PRICKLE4: variants seen among roughly 807,000 people sequenced by gnomAD.
PRICKLE4 encodes the protein prickle planar cell polarity protein 4, also known as prickle-like protein 4.
PRICKLE4 carries 40 observed loss-of-function variants against 43.5 expected under a neutral mutation model. The ratio of observed to expected loss-of-function variants is 0.92; its 90% CI spans 0.71 to 1.20. The LOEUF (loss-of-function observed/expected upper bound fraction) is 1.20, where lower values mean the gene tolerates loss of function less well. Among genes scored for constraint, PRICKLE4 ranks in the 50% most tolerant of loss-of-function variants. The probability of loss-of-function intolerance (pLI) is 0.00; values close to 1 mark genes in which losing one functional copy is unlikely to be tolerated. For missense variants in PRICKLE4, 527 were observed against 491.2 expected (o/e 1.07, Z -0.69); for synonymous variants, 208 against 197.4 (o/e 1.05, Z -0.45).
At chr6:41,783,789 AC>A in intron 3 of PRICKLE4, 184 bp downstream of exon 3, 5 of 858,832 alleles carry the variant, frequency 5.8e-6, no homozygotes, top group Non-Finnish European at 9.7e-6. Context: ...AAACTCATTC[AC>A]ATGAGTATTC....
chr6:41,783,488 C>A lies in PRICKLE4; in HGVS notation c.15C>A (p.Asn5Lys). ...CTTTGCCACAAATGTCAGTGCAGAA[C>A]TCTGGCTGGCCCCACCAAGAAGACA... MSVQ[N>K]SGWPHQEDSP... Residue 5 changes from asparagine to lysine, a missense_variant, in exon 3 of 8, where the codon AAC becomes AAA. By Grantham distance (94) the Asn-to-Lys change is moderately conservative. Coordinates refer to ENST00000458694, the MANE Select transcript of PRICKLE4 (RefSeq NM_013397.6). The A allele has an allele frequency of 6.5e-7, 1 of 1,529,438 alleles. No homozygotes were observed. The highest frequency in any genetic ancestry group is 9.0e-7 in the Non-Finnish European group (1 of 1,110,112). The allele number at this position is 1,529,438 out of a possible 1,614,324, so 94.7% of individuals were successfully genotyped here. A position where few individuals can be genotyped will look rare whatever the true frequency, so the allele number is the denominator to read the frequency against.
At chr6:41,784,643 T>G in intron 4 of PRICKLE4, 1 of 507,854 alleles carries the variant, frequency 2.0e-6, no homozygotes, top group Non-Finnish European at 3.5e-6. Context: ...GAATGGGAAG[T>G]GATACTGAGC....
chr6:41,786,367 G>A lies in PRICKLE4; in HGVS notation c.787+35G>A, dbSNP rs367573291. The A allele has an allele frequency of 1.5e-5, 23 of 1,539,666 alleles. No homozygotes were observed. The African/African-American group carries it at 2.0e-4, about 14-fold the overall frequency. On this transcript the variant is annotated intron_variant, in intron 7 of 7. Coordinates refer to ENST00000458694, the MANE Select transcript of PRICKLE4 (RefSeq NM_013397.6). ...AGGATGCAGAGCAAAGCGGGAGGGA[G>A]CTTGGGCTGGGCTGTGGGGGTTCTC...
chr6:41,783,753 T>C, intron 3 of PRICKLE4, 148 bp downstream of exon 3: 3 of 1,105,830 alleles, frequency 2.7e-6, no homozygotes, highest in Non-Finnish European at 4.1e-6. Flanking sequence ...TCTCTGCACC[T>C]GCTTAGAACA....
At position 41,787,214 on chromosome 6, in the gene PRICKLE4, T is replaced by C. The variant is rs1157150888; in HGVS notation, c.*85T>C. On this transcript the variant is annotated 3_prime_UTR_variant, in exon 8 of 8. Transcript: ENST00000458694. ...AAGGCTAGCCTCCCCCTAACAATCC[T>C]AGACTGAGACGCAGTCAGGCGCACG... The C allele has an allele frequency of 2.0e-6, 3 of 1,477,612 alleles. No homozygotes were observed. The highest frequency in any genetic ancestry group is 2.7e-6 in the Non-Finnish European group (3 of 1,120,862). The allele number at this position is 1,477,612 out of a possible 1,614,324, so 91.5% of individuals were successfully genotyped here. A position where few individuals can be genotyped will look rare whatever the true frequency, so the allele number is the denominator to read the frequency against.
chr6:41,784,597 A>G (rs1772609656), intron 4 of PRICKLE4, among the ~76,000 whole-genome samples: 1 of 152,248 alleles, frequency 6.6e-6, no homozygotes, highest in South Asian at 2.1e-4. Flanking sequence ...TGGGGAGGCA[A>G]GACAGGAGTA....
chr6:41,782,084 T>C (rs1475234230), intron 2 of PRICKLE4, among the ~76,000 whole-genome samples: 2 of 150,696 alleles, frequency 1.3e-5, no homozygotes, highest in Non-Finnish European at 3.0e-5. Flanking sequence ...TTTTTTTTTT[T>C]TGAGACGGAG....
At chr6:41,784,578 C>T (rs958287399) in intron 4 of PRICKLE4, among the ~76,000 whole-genome samples, 7 of 152,288 alleles carry the variant, frequency 4.6e-5, no homozygotes, top group East Asian at 3.9e-4. Context: ...TAAAGGCTTA[C>T]AATTCAATTG....
Position 41,786,338 on chromosome 6 carries a change from G to T in PRICKLE4, c.787+6G>T. On this transcript the variant is annotated splice_donor_region_variant and intron_variant, in intron 7 of 7. Coordinates refer to ENST00000458694, the MANE Select transcript of PRICKLE4 (RefSeq NM_013397.6). ...GGAAGGGCAGGCATTCCTTGGTAAG[G>T]GAGAGGATGCAGAGCAAAGCGGGAG... 6.4e-7 allele frequency: 1 copy of T among 1,555,346 alleles called. No individual in the cohort carries two copies.
In PRICKLE4 at chr6:41,781,469, G is replaced by A. The variant is rs1454381909; in HGVS notation, c.-64G>A. 6.6e-6 allele frequency: 1 copy of A among 152,654 alleles called. No homozygotes were observed. The highest frequency in any genetic ancestry group is 1.9e-4 in the East Asian group (1 of 5,200). The allele number at this position is 152,654 out of a possible 1,614,324, so 9.5% of individuals were successfully genotyped here. On this transcript the variant is annotated 5_prime_UTR_variant, in exon 2 of 8. An upstream open reading frame in the 5' UTR gains an earlier in-frame stop. Coordinates refer to ENST00000458694, the MANE Select transcript of PRICKLE4 (RefSeq NM_013397.6). ...ACTCCTGGTGTGAACAGCCCATCCTGGCCACCTTCCACAGGAAACCTGACC... is the reference window on the plus strand; with the variant it reads ...ACTCCTGGTGTGAACAGCCCATCCTAGCCACCTTCCACAGGAAACCTGACC...
intron 1 of PRICKLE4, 46 bp from the exon 2 acceptor site, chr6:41,781,304 G>C (rs1351562100): frequency 1.3e-5 from 2 of 152,744 alleles, no homozygotes; most frequent in Non-Finnish European, 2.9e-5. Context: ...ATAGAGGCCT[G>C]ATTTCTGAGT....
chr6:41,784,983 C>T lies in PRICKLE4; in HGVS notation c.289C>T (p.Leu97Phe). ...LGEEERAELQ[L>F]FCARRKQEAL... ...GGAGGAGGAGCGGGCCGAGCTGCAG[C>T]TCTTCTGTGCCAGGCGGAAGCAGGA... The change falls in exon 5 of 8, where the codon CTC (leucine) becomes TTC (phenylalanine). Residue 97 changes from leucine to phenylalanine, a missense_variant. By Grantham distance (22) the Leu-to-Phe change is conservative. Transcript: ENST00000458694. 6.2e-7 allele frequency: 1 copy of T among 1,613,930 alleles called. No homozygotes were observed. Among genetic ancestry groups the T allele is most frequent in the Non-Finnish European group, 8.5e-7 (1 of 1,179,950 alleles).
At chr6:41,785,262 C>T (rs1357690101) in intron 5 of PRICKLE4, 75 bp from the exon 6 acceptor site, 3 of 1,540,600 alleles carry the variant, frequency 1.9e-6, no homozygotes, top group Non-Finnish European at 2.7e-6. Flanking sequence ...AGGTTGGGAT[C>T]GGATTGCAAG....
rs1772673109 is a variant in PRICKLE4 at position 41,787,037 on chromosome 6, T to C, written c.1063T>C (p.Leu355=). The C allele has an allele frequency of 1.2e-6, 2 of 1,613,980 alleles. No individual in the cohort carries two copies. The highest frequency in any genetic ancestry group is 1.7e-6 in the Non-Finnish European group (2 of 1,180,008). Residue 355 remains leucine, a synonymous_variant, in exon 8 of 8, where the codon TTA becomes CTA. Transcript: ENST00000458694. ...SSDSEPEGFF[L]GERLPQSWKT... is the part of the protein sequence containing the mutation. Reference sequence around the variant, plus strand: ...TGACTCGGAACCTGAAGGATTTTTCTTAGGCGAGCGCCTTCCCCAGTCCTG... The same window carrying C: ...TGACTCGGAACCTGAAGGATTTTTCCTAGGCGAGCGCCTTCCCCAGTCCTG...
At chr6:41,781,916 TA>T (rs1357181996) in intron 2 of PRICKLE4, among the ~76,000 whole-genome samples, 1 of 152,200 alleles carries the variant, frequency 6.6e-6, no homozygotes, top group Admixed American at 6.5e-5. Context: ...TAAATATTAT[TA>T]AAAAGTTTGC....
In PRICKLE4 at chr6:41,785,535, G is replaced by C; in HGVS notation, c.577G>C (p.Asp193His). ...ELLRPRCPAC[D>H]QLIFSWRCTE... is the part of the protein sequence containing the mutation. ...GCTGCGCCCGCGCTGCCCGGCTTGTGACCAGGTACAGCCTGGAGGGGAGGA... is the reference window on the plus strand; with the variant it reads ...GCTGCGCCCGCGCTGCCCGGCTTGTCACCAGGTACAGCCTGGAGGGGAGGA... The change falls in exon 6 of 8, where the codon GAC becomes CAC. Residue 193 changes from aspartate to histidine, a missense_variant. Asp to His is a moderately conservative substitution (Grantham distance 81). Transcript: ENST00000458694. 1 of 1,612,428 alleles carries C rather than the reference G, an allele frequency of 6.2e-7. No individual in the cohort carries two copies. The highest frequency in any genetic ancestry group is 8.5e-7 in the Non-Finnish European group (1 of 1,179,974).
At chr6:41,785,799 C>T (rs986948346) in intron 6 of PRICKLE4, among the ~76,000 whole-genome samples, 13 of 152,328 alleles carry the variant, frequency 8.5e-5, no homozygotes, top group African/African-American at 2.9e-4. Flanking sequence ...AGCAGGGAGT[C>T]TTGGACACAT....
chr6:41,786,208 G>T lies in PRICKLE4; in HGVS notation c.663G>T (p.Gly221=). The T allele has an allele frequency of 6.2e-7, 1 of 1,609,028 alleles. No individual in the cohort carries two copies. Among genetic ancestry groups the T allele is most frequent in the Non-Finnish European group, 8.5e-7 (1 of 1,176,350 alleles). ...ACTTCTGTTGCCAGGACTGCGCCGGGCCTCTGGGCGGGGGACGTTATGCCC... is the reference window on the plus strand; with the variant it reads ...ACTTCTGTTGCCAGGACTGCGCCGGTCCTCTGGGCGGGGGACGTTATGCCC... ...ENHFCCQDCA[G]PLGGGRYALP... is the part of the protein sequence containing the mutation. The change falls in exon 7 of 8, where the codon GGG becomes GGT. Residue 221 remains glycine (G), a synonymous_variant. Coordinates refer to ENST00000458694, the MANE Select transcript of PRICKLE4 (RefSeq NM_013397.6).
rs144685136 is a variant in PRICKLE4, at chr6:41,784,199, T to G, written c.201T>G (p.Leu67=). 1.9e-6 allele frequency: 3 copies of G among 1,613,920 alleles called. No individual in the cohort carries two copies. In the African/African-American group the frequency reaches 4.0e-5, roughly 22 times the overall value. Residue 67 remains leucine (L), a synonymous_variant, in exon 4 of 8, where the codon CTT becomes CTG. Coordinates refer to ENST00000458694, the MANE Select transcript of PRICKLE4 (RefSeq NM_013397.6). ...DTNQAPNWTG[L]QTLLQQLPPQ... ...ACCAAGCCCCCAACTGGACTGGACTTCAGACCCTCCTGCAGCAACTCCCTC... is the reference window on the plus strand; with the variant it reads ...ACCAAGCCCCCAACTGGACTGGACTGCAGACCCTCCTGCAGCAACTCCCTC...
Sources: allele counts gnomAD v4.1 joint callset (sites outside exome capture counted in the v4.1 genomes callset), GRCh38; gene constraint gnomAD v4.1.1; transcripts MANE v1.5; gene names NCBI Gene and HGNC (gene_info 2026-07-23, HGNC 2026-07-21).